The following UBXN8 variants were observed in gnomAD, a reference collection of about 807,000 sequenced individuals.
The protein encoded by UBXN8 is UBX domain protein 8, also known as UBX domain-containing protein 8.
In UBXN8, 27 loss-of-function variants were observed where a neutral mutation model predicts 32.1. The ratio of observed to expected loss-of-function variants is 0.84; its 90% CI spans 0.62 to 1.16. The LOEUF (loss-of-function observed/expected upper bound fraction) is 1.16, where lower values mean the gene tolerates loss of function less well. Ranked by LOEUF, UBXN8 falls within the 50% of genes most tolerant of loss-of-function variation. The pLI is 0.00. For synonymous variants in UBXN8, 109 were observed against 111.8 expected, an observed-to-expected ratio of 0.98 and a Z score of 0.16; for missense variants, 306 against 311.4, an observed-to-expected ratio of 0.98 and a Z score of 0.13.
In UBXN8 at chr8:30,754,763, A is replaced by G. The variant is rs771699540; in HGVS notation, c.381A>G (p.Lys127=). 2.6e-6 allele frequency: 4 copies of G among 1,558,912 alleles called. No individual in the cohort carries two copies. The highest frequency in any genetic ancestry group is 3.4e-6 in the Non-Finnish European group (4 of 1,163,238). ...ATCAAATGACGGGTGAAGCCTGGAA[A>G]TTAAGCAGTGGTCACAAACTTGGGG... The part of the protein sequence containing the change: ...RFYQMTGEAW[K]LSSGHKLGGD... The change falls in exon 4 of 8, where the codon AAA becomes AAG. Residue 127 remains lysine, a synonymous_variant. Transcript: ENST00000265616.
chr8:30,752,904 A>G (rs1805551685), intron 2 of UBXN8, 131 bp from the exon 3 acceptor site: 2 of 1,001,128 alleles, frequency 2.0e-6, no homozygotes, highest in South Asian at 3.0e-5. Context: ...ATAAATGACA[A>G]TGTGATGTGT....
At chr8:30,732,718 G>A (rs938034899) in exon 1 of UBXN8, 2 of 152,838 alleles carry the variant, frequency 1.3e-5, no homozygotes, top group African/African-American at 4.9e-5. Flanking sequence ...TGGCAGTTGG[G>A]AGTTTTAACC....
At chr8:30,764,088 T>C (rs904534546) in intron 7 of UBXN8, among the ~76,000 whole-genome samples, 1 of 152,232 alleles carries the variant, frequency 6.6e-6, no homozygotes, top group African/African-American at 2.4e-5. Flanking sequence ...TGTAGTCTCA[T>C]GCCAAAACCA....
At chr8:30,744,477 T>C (rs1454888289) in intron 1 of UBXN8, 200 bp downstream of exon 1, 3 of 615,154 alleles carry the variant, frequency 4.9e-6, no homozygotes, top group Non-Finnish European at 8.7e-6. Context: ...TGGTTTTACG[T>C]GTAAGAGGGT....
chr8:30,753,206 T>TA (rs1357278590), intron 3 of UBXN8, 101 bp downstream of exon 3: 1 of 1,328,784 alleles, frequency 7.5e-7, no homozygotes, highest in Non-Finnish European at 9.7e-7. Flanking sequence ...GCTAAGATTT[T>TA]AAAAAATATA....
At position 30,744,288 on chromosome 8, in the gene UBXN8, C is replaced by T. The variant is rs2278092; in HGVS notation, c.88+11C>T. 1,240,114 of 1,610,748 alleles carry T rather than the reference C, an allele frequency of 0.77. 492,869 individuals carry two copies. The highest frequency in any genetic ancestry group is 0.82 in the Non-Finnish European group (961,473 of 1,178,230). Reference sequence around the variant, plus strand: ...GGATCCCGGATATAGGTAAGTGTGACTTTTTCCCTTCGACAGTCACAGCTG... The same window carrying T: ...GGATCCCGGATATAGGTAAGTGTGATTTTTTCCCTTCGACAGTCACAGCTG... On this transcript the variant is annotated intron_variant, in intron 1 of 7. Transcript: ENST00000265616.
At chr8:30,729,285 C>T (rs1804894558), upstream of UBXN8, among the ~76,000 whole-genome samples, 1 of 152,212 alleles carries the variant, frequency 6.6e-6, no homozygotes, top group East Asian at 1.9e-4. Flanking sequence ...CGTGGAGTAT[C>T]AACGCAGTGG....
intron 1 of UBXN8, among the ~76,000 whole-genome samples, chr8:30,750,384 G>A (rs1405618923): frequency 1.3e-5 from 2 of 152,006 alleles, no homozygotes; most frequent in African/African-American, 4.8e-5. Flanking sequence ...AAGGCAGGAG[G>A]CCCTCCTTGA....
At position 30,763,360 on chromosome 8, in the gene UBXN8, A is replaced by G; in HGVS notation, c.645+13A>G. 6.2e-7 allele frequency: 1 copy of G among 1,612,322 alleles called. No homozygotes were observed. Among genetic ancestry groups the G allele is most frequent in the Non-Finnish European group, 8.5e-7 (1 of 1,178,360 alleles). On this transcript the variant is annotated intron_variant, in intron 7 of 7. Transcript: ENST00000265616. ...CTACAGCTCACAGGTAAGTGAAGGA[A>G]TTCACATTTTGAGAAATATCTTTGT...
upstream of UBXN8, among the ~76,000 whole-genome samples, chr8:30,729,790 G>C (rs570203676): frequency 6.6e-6 from 1 of 152,372 alleles, no homozygotes; most frequent in African/African-American, 2.4e-5. Flanking sequence ...TCAGAAGGAA[G>C]CCTGGACAGG....
upstream of UBXN8, among the ~76,000 whole-genome samples, chr8:30,743,224 T>G (rs1805255571): frequency 6.8e-6 from 1 of 146,434 alleles, no homozygotes; most frequent in Non-Finnish European, 1.5e-5. Context: ...TGGTGCAAAC[T>G]CGGCTCAAAG....
intron 1 of UBXN8, among the ~76,000 whole-genome samples, chr8:30,744,915 G>A (rs1285360218): frequency 1.3e-5 from 2 of 152,198 alleles, no homozygotes; most frequent in Admixed American, 6.6e-5. Context: ...TCAGGATAAT[G>A]ACGTTTATTG....
intron 2 of UBXN8, among the ~76,000 whole-genome samples, chr8:30,751,847 C>G (rs1042825763): frequency 1.3e-5 from 2 of 151,086 alleles, no homozygotes; most frequent in South Asian, 4.2e-4. Flanking sequence ...CATTTGATAC[C>G]TACAGTTTAT....
intron 4 of UBXN8, 123 bp from the exon 5 acceptor site, chr8:30,756,642 C>A: frequency 7.1e-7 from 1 of 1,412,730 alleles, no homozygotes; most frequent in Non-Finnish European, 9.5e-7. Context: ...CTCATAATGG[C>A]TTGCTAATAT....
chr8:30,743,059 T>C (rs1362706812), upstream of UBXN8, among the ~76,000 whole-genome samples: 2 of 152,040 alleles, frequency 1.3e-5, no homozygotes, highest in Non-Finnish European at 1.5e-5. Context: ...GGATGCTAGA[T>C]GGATGGGTCA....
intron 1 of UBXN8, among the ~76,000 whole-genome samples, chr8:30,738,650 G>A (rs1389971540): frequency 7.1e-5 from 7 of 99,028 alleles, no homozygotes. Flanking sequence ...GACAGCCTCC[G>A]TCTCAAAAAA....
At chr8:30,745,395 C>T (rs992246273) in intron 1 of UBXN8, among the ~76,000 whole-genome samples, 1 of 152,120 alleles carries the variant, frequency 6.6e-6, no homozygotes, top group Non-Finnish European at 1.5e-5. Context: ...TGCTGAGAAT[C>T]ATGAGTTGAT....
chr8:30,729,431 G>A (rs1804898503), upstream of UBXN8, among the ~76,000 whole-genome samples: 1 of 152,176 alleles, frequency 6.6e-6, no homozygotes, highest in South Asian at 2.1e-4. Context: ...TGGCACTTTG[G>A]TTTTTGTTTT....
chr8:30,747,311 T>TA (rs987368749), intron 1 of UBXN8, among the ~76,000 whole-genome samples: 4 of 117,514 alleles, frequency 3.4e-5, no homozygotes, highest in Non-Finnish European at 7.1e-5. Context: ...AGTGGTGTTT[T>TA]TTTTTTTTTT....
Sources: allele counts gnomAD v4.1 joint callset (sites outside exome capture counted in the v4.1 genomes callset), GRCh38; gene constraint gnomAD v4.1.1; transcripts MANE v1.5; gene names NCBI Gene and HGNC (gene_info 2026-07-23, HGNC 2026-07-21).